Variants in ARGLU1 observed in about 807,000 individuals in gnomAD.
ARGLU1 encodes the protein arginine and glutamate rich 1, also known as arginine and glutamate-rich protein 1.
A neutral mutation model predicts 37.6 loss-of-function variants in ARGLU1; 9 were observed. The ratio of observed to expected loss-of-function variants is 0.24; its 90% CI spans 0.14 to 0.42. The LOEUF (loss-of-function observed/expected upper bound fraction) is 0.42, where lower values mean the gene tolerates loss of function less well. Ranked by LOEUF, ARGLU1 falls within the 10% of genes least tolerant of loss-of-function variation. The pLI is 1.00. For missense variants in ARGLU1, 211 were observed against 359.2 expected, an observed-to-expected ratio of 0.59 and a Z score of 3.34; for synonymous variants, 166 against 138.5, an observed-to-expected ratio of 1.20 and a Z score of -1.39.
intron 2 of ARGLU1, chr13:106,558,374 A>C (rs1880710838): frequency 2.0e-6 from 2 of 985,286 alleles, no homozygotes; most frequent in South Asian, 9.4e-5. Flanking sequence ...CCAGAAAGCA[A>C]AGAGATTTAA....
chr13:106,559,813 T>A (rs1880747526), intron 1 of ARGLU1, among the ~76,000 whole-genome samples, 156 bp from the exon 2 acceptor site: 1 of 152,216 alleles, frequency 6.6e-6, no homozygotes, highest in African/African-American at 2.4e-5. Flanking sequence ...AAATGACAGA[T>A]ACCAAGATGT....
chr13:106,549,795 T>G (rs1594189163), intron 3 of ARGLU1, among the ~76,000 whole-genome samples: 1 of 152,226 alleles, frequency 6.6e-6, no homozygotes, highest in Admixed American at 6.5e-5. Flanking sequence ...GATTCCATGT[T>G]ACCTGAAGTG....
chr13:106,562,391 T>C (rs1367826382), intron 1 of ARGLU1, among the ~76,000 whole-genome samples: 2 of 152,162 alleles, frequency 1.3e-5, no homozygotes, highest in Non-Finnish European at 2.9e-5. Context: ...TTTATCATCA[T>C]AATCAATGAT....
chr13:106,550,442 GCT>G (rs1350125473), intron 3 of ARGLU1, among the ~76,000 whole-genome samples: 1 of 152,040 alleles, frequency 6.6e-6, no homozygotes, highest in Non-Finnish European at 1.5e-5. Flanking sequence ...AAAACCTCTC[GCT>G]CTCTGAAAAT....
At chr13:106,563,444 C>T (rs1386388006) in intron 1 of ARGLU1, among the ~76,000 whole-genome samples, 2 of 152,048 alleles carry the variant, frequency 1.3e-5, no homozygotes, top group African/African-American at 2.4e-5. Flanking sequence ...CACCCTACAC[C>T]GGTTTCTGCA....
At chr13:106,544,267 C>T in intron 3 of ARGLU1, 107 bp from the exon 4 acceptor site, 1 of 960,420 alleles carries the variant, frequency 1.0e-6, no homozygotes, top group Non-Finnish European at 1.4e-6. Flanking sequence ...ATTTTTAATG[C>T]AAATGCAAAA....
At chr13:106,548,453 G>A (rs1307200093) in intron 3 of ARGLU1, among the ~76,000 whole-genome samples, 1 of 152,104 alleles carries the variant, frequency 6.6e-6, no homozygotes, top group African/African-American at 2.4e-5. Context: ...GGGGGTTGGG[G>A]ATGCATATAT....
intron 2 of ARGLU1, chr13:106,558,925 G>T (rs539327187): frequency 2.3e-5 from 23 of 984,044 alleles, no homozygotes; most frequent in Non-Finnish European, 2.8e-5. Context: ...GGGAGTGAGG[G>T]ATAAAAGAAG....
chr13:106,567,165 TCTC>T lies in ARGLU1; in HGVS notation c.347+405_347+407del, dbSNP rs990695346. 6.6e-6 allele frequency among the ~76,000 whole-genome samples: 1 copy of T among 151,748 alleles called. No homozygotes were observed. Among genetic ancestry groups the T allele is most frequent in the African/African-American group, 2.4e-5 (1 of 41,256 alleles). On this transcript the variant is annotated intron_variant, in intron 1 of 3. Transcript: ENST00000400198. The surrounding 1 kb of genome is among the most constrained non-coding windows in gnomAD (Gnocchi z 4.3). Reference sequence around the variant, plus strand: ...CATCTCAAAGGTTAATTCCCTTCTCTCTCCTCCTCAAGCCGACCAGCAAACGCT... The same window carrying T: ...CATCTCAAAGGTTAATTCCCTTCTCTCTCCTCAAGCCGACCAGCAAACGCT...
intron 3 of ARGLU1, among the ~76,000 whole-genome samples, chr13:106,554,034 A>G (rs1431644048): frequency 6.6e-6 from 1 of 152,122 alleles, no homozygotes; most frequent in African/African-American, 2.4e-5. Context: ...CTACCTCCTA[A>G]TAGAATTTCC....
In ARGLU1 at chr13:106,551,767, C is replaced by T. The variant is rs189869910; in HGVS notation, c.657+5281G>A. ...GGTGGCTGCGAGGATTCCTTGGCTT[C>T]AGCCTACATCACTTCAATCTTCAAC... On this transcript the variant is annotated intron_variant, in intron 3 of 3. Coordinates refer to ENST00000400198, the MANE Select transcript of ARGLU1 (RefSeq NM_018011.4). 1.9e-3 allele frequency among the ~76,000 whole-genome samples: 296 copies of T among 152,278 alleles called. 1 individual carries two copies. Among genetic ancestry groups the T allele is most frequent in the Middle Eastern group, 3.4e-3 (1 of 294 alleles).
At chr13:106,566,548 G>C (rs1880969468) in intron 1 of ARGLU1, among the ~76,000 whole-genome samples, 1 of 152,098 alleles carries the variant, frequency 6.6e-6, no homozygotes, top group Admixed American at 6.6e-5. Context: ...GCGGTTTTTG[G>C]AAACTGAATA....
intron 1 of ARGLU1, among the ~76,000 whole-genome samples, chr13:106,562,335 C>T (rs940122890): frequency 3.3e-5 from 5 of 152,156 alleles, no homozygotes; most frequent in African/African-American, 1.2e-4. Context: ...CCAGTGAGCA[C>T]ATATACAACT....
chr13:106,555,919 C>T (rs1278377194), intron 3 of ARGLU1, among the ~76,000 whole-genome samples: 2 of 152,176 alleles, frequency 1.3e-5, no homozygotes, highest in Non-Finnish European at 2.9e-5. Flanking sequence ...AGTGATTTAA[C>T]TGTCAACCAT....
chr13:106,556,180 T>C (rs1303062810), intron 3 of ARGLU1, among the ~76,000 whole-genome samples: 1 of 152,230 alleles, frequency 6.6e-6, no homozygotes. Flanking sequence ...TTTTTCTGCC[T>C]TAGCAGATTT....
chr13:106,566,020 A>T (rs1463890129), intron 1 of ARGLU1, among the ~76,000 whole-genome samples: 2 of 152,266 alleles, frequency 1.3e-5, no homozygotes, highest in African/African-American at 4.8e-5. Context: ...TGTAGAAATT[A>T]TCTCAGCAAT....
intron 3 of ARGLU1, among the ~76,000 whole-genome samples, chr13:106,551,609 C>T (rs1880532134): frequency 6.6e-6 from 1 of 152,146 alleles, no homozygotes; most frequent in Admixed American, 6.5e-5. Context: ...CTAAACAGCT[C>T]AAAATAAATT....
At position 106,542,776 on chromosome 13, in the gene ARGLU1, G is replaced by C; in HGVS notation, c.*1220C>G. Reference sequence around the variant, plus strand: ...TTAAACATATGTTAAGAGTAAATGAGGCAGATTCTAGTGTATAAAATGAAA... The same window carrying C: ...TTAAACATATGTTAAGAGTAAATGACGCAGATTCTAGTGTATAAAATGAAA... On this transcript the variant is annotated 3_prime_UTR_variant, in exon 4 of 4. Coordinates refer to ENST00000400198, the MANE Select transcript of ARGLU1 (RefSeq NM_018011.4). 6.6e-6 allele frequency: 1 copy of C among 151,292 alleles called. No individual in the cohort carries two copies. The highest frequency in any genetic ancestry group is 1.5e-5 in the Non-Finnish European group (1 of 67,870). The allele number at this position is 151,292 out of a possible 1,614,324, so 9.4% of individuals were successfully genotyped here.
chr13:106,553,583 G>A (rs1880587384), intron 3 of ARGLU1, among the ~76,000 whole-genome samples: 1 of 151,908 alleles, frequency 6.6e-6, no homozygotes, highest in African/African-American at 2.4e-5. Flanking sequence ...ATAATAACCC[G>A]CCAACACAGG....
Sources: allele counts gnomAD v4.1 joint callset (sites outside exome capture counted in the v4.1 genomes callset), GRCh38; gene constraint gnomAD v4.1.1; non-coding constraint Gnocchi (gnomAD v3.1); transcripts MANE v1.5; gene names NCBI Gene and HGNC (gene_info 2026-07-23, HGNC 2026-07-21).